Variants in MYH8 observed in about 807,000 individuals in gnomAD.
MYH8 encodes myosin-8.
A neutral mutation model predicts 233.2 loss-of-function variants in MYH8; 168 were observed. That is an observed-to-expected ratio of 0.72 (90% CI 0.64 to 0.82). MYH8 has a LOEUF of 0.82. Among genes scored for constraint, MYH8 ranks in the 40% least tolerant of loss-of-function variants. The probability of loss-of-function intolerance (pLI) is 0.00; values close to 1 mark genes in which losing one functional copy is unlikely to be tolerated. For synonymous variants in MYH8, 785 were observed against 850.6 expected, an observed-to-expected ratio of 0.92 and a Z score of 1.34; for missense variants, 1,995 against 2,327.8, an observed-to-expected ratio of 0.86 and a Z score of 2.94.
chr17:10,403,618 A>G (rs375665494), intron 22 of MYH8, among the ~76,000 whole-genome samples: 2 of 152,166 alleles, frequency 1.3e-5, no homozygotes, highest in African/African-American at 2.4e-5. Flanking sequence ...CCTTCATATA[A>G]ATGAAGGTAT....
Position 10,400,611 on chromosome 17 carries a change from C to T in MYH8, c.3514G>A (p.Ala1172Thr). Residue 1172 changes from alanine to threonine, a missense_variant, in exon 27 of 40, where the codon GCT (alanine) becomes ACT (threonine). Physicochemically the swap from Ala to Thr is moderately conservative, Grantham distance 58. Coordinates refer to ENST00000403437, the MANE Select transcript of MYH8 (RefSeq NM_002472.3). The surrounding 1 kb of genome is among the most constrained non-coding windows in gnomAD (Gnocchi z 4.0). Reference sequence around the variant, plus strand: ...TCCCTGCGCAGTTTCTGAAACTCAGCCTCCCGCTTCTTGTTCAATTCCACC... The same window carrying T: ...TCCCTGCGCAGTTTCTGAAACTCAGTCTCCCGCTTCTTGTTCAATTCCACC... ...AQVELNKKRE[A>T]EFQKLRRDLE... 1 of 1,614,226 alleles carries T rather than the reference C, an allele frequency of 6.2e-7. No homozygotes were observed. Among genetic ancestry groups the T allele is most frequent in the South Asian group, 1.1e-5 (1 of 91,088 alleles).
rs1342415960 is a variant in MYH8 at position 10,392,869 on chromosome 17, T to G, written c.5425A>C (p.Lys1809Gln). Residue 1809 changes from lysine (K) to glutamine (Q), a missense_variant, in exon 37 of 40, where the codon AAG becomes CAG. Physicochemically the swap from Lys to Gln is moderately conservative, Grantham distance 53. This residue lies in a region of MYH8 where 1,498 missense variants were observed against 1,680.9 expected (regional missense o/e 0.89). Coordinates refer to ENST00000403437, the MANE Select transcript of MYH8 (RefSeq NM_002472.3). ...TTCTGGATCTGCTTCTTCCCACCCTTCAGCGCCAGCTGCTCGGCCTCATCT... is the reference window on the plus strand; with the variant it reads ...TTCTGGATCTGCTTCTTCCCACCCTGCAGCGCCAGCTGCTCGGCCTCATCT... Reference protein sequence around the residue: ...RLDEAEQLALKGGKKQIQKLE... With the variant: ...RLDEAEQLALQGGKKQIQKLE... 6.2e-7 allele frequency: 1 copy of G among 1,614,026 alleles called. No homozygotes were observed. Among genetic ancestry groups the G allele is most frequent in the Non-Finnish European group, 8.5e-7 (1 of 1,180,034 alleles).
chr17:10,390,660 C>T, intron 39 of MYH8, 57 bp from the exon 40 acceptor site: 1 of 1,577,944 alleles, frequency 6.3e-7, no homozygotes, highest in South Asian at 1.1e-5. Flanking sequence ...TTGCACTTAT[C>T]ACCAGACAGG....
intron 39 of MYH8, among the ~76,000 whole-genome samples, chr17:10,390,995 C>T (rs1192165640): frequency 6.6e-6 from 1 of 152,206 alleles, no homozygotes; most frequent in African/African-American, 2.4e-5. Flanking sequence ...GACAGAAAGT[C>T]TCCTCTGTTA....
rs527809531 is a variant in MYH8 at position 10,419,807 on chromosome 17, A to G, written c.210+211T>C. Among the ~76,000 whole-genome samples, 4 of 152,298 alleles carry G rather than the reference A, an allele frequency of 2.6e-5. No individual in the cohort carries two copies. The highest frequency in any genetic ancestry group is 4.4e-5 in the Non-Finnish European group (3 of 68,028). On this transcript the variant is annotated intron_variant, in intron 3 of 39. Coordinates refer to ENST00000403437, the MANE Select transcript of MYH8 (RefSeq NM_002472.3). This position sits in a 1 kb window ranked among gnomAD's most constrained non-coding sequence, Gnocchi z 4.0. ...GAATTGAAGGGAAATGGTGAAGGCC[A>G]TACATAGTGGGGTGAGGTCCTGTGC...
rs1597396443 is a variant in MYH8, at chr17:10,392,803, C to T, written c.5463+28G>A. ...TAGAGAGAGTGCCCTTTTTCCCTTC[C>T]CAGATTTAGAGAGATTGAGACACCC... On this transcript the variant is annotated intron_variant, in intron 37 of 39. Coordinates refer to ENST00000403437, the MANE Select transcript of MYH8 (RefSeq NM_002472.3). The T allele has an allele frequency of 1.9e-6, 3 of 1,613,932 alleles. No homozygotes were observed. The African/African-American group carries it at 4.0e-5, about 22-fold the overall frequency.
intron 22 of MYH8, among the ~76,000 whole-genome samples, chr17:10,402,447 A>C (rs765759000): frequency 2.6e-5 from 4 of 152,168 alleles, no homozygotes; most frequent in Non-Finnish European, 4.4e-5. Context: ...CTTAAGGTGA[A>C]TTTTATTTTT....
chr17:10,412,793 A>G (rs187324192), intron 12 of MYH8, 65 bp from the exon 13 acceptor site: 7 of 1,334,180 alleles, frequency 5.2e-6, no homozygotes, highest in Admixed American at 5.0e-5. Context: ...TAATCTTTCC[A>G]TTTTTCTCCA....
intron 21 of MYH8, among the ~76,000 whole-genome samples, chr17:10,405,117 A>G (rs1009106701): frequency 6.6e-6 from 1 of 152,152 alleles, no homozygotes; most frequent in Non-Finnish European, 1.5e-5. Context: ...ACAACACTGA[A>G]TTATCCACTC....
At chr17:10,394,599 T>C in intron 34 of MYH8, 147 bp from the exon 35 acceptor site, 1 of 1,014,328 alleles carries the variant, frequency 9.9e-7, no homozygotes, top group Non-Finnish European at 1.5e-6. Flanking sequence ...TTAGGTCATT[T>C]GCTTAGGGTG....
intron 5 of MYH8, among the ~76,000 whole-genome samples, chr17:10,418,346 G>T (rs1327983469): frequency 1.3e-5 from 2 of 152,178 alleles, no homozygotes; most frequent in African/African-American, 4.8e-5. Context: ...ACAAAATATG[G>T]AAAACAATAA....
chr17:10,413,458 AT>A (rs2072262363), intron 12 of MYH8, among the ~76,000 whole-genome samples: 1 of 151,982 alleles, frequency 6.6e-6, no homozygotes, highest in Admixed American at 6.5e-5. Flanking sequence ...TTGTCTATGG[AT>A]TTATATACAG....
chr17:10,415,441 C>CA lies in MYH8; in HGVS notation c.648+30dup. The CA allele has an allele frequency of 1.2e-6, 2 of 1,613,516 alleles. No individual in the cohort carries two copies. The highest frequency in any genetic ancestry group is 1.7e-6 in the Non-Finnish European group (2 of 1,179,382). ...GACTCCAGATGTCTGAGAGCCTTGA[C>CA]AGAGGTTTTGACTCTGGCTATCAGA... On this transcript the variant is annotated intron_variant, in intron 7 of 39. Coordinates refer to ENST00000403437, the MANE Select transcript of MYH8 (RefSeq NM_002472.3). The surrounding 1 kb of genome is among the most constrained non-coding windows in gnomAD (Gnocchi z 4.1).
At position 10,398,437 on chromosome 17, in the gene MYH8, C is replaced by A; in HGVS notation, c.4178+7G>T. 6.2e-7 allele frequency: 1 copy of A among 1,613,980 alleles called. No homozygotes were observed. The highest frequency in any genetic ancestry group is 1.1e-5 in the South Asian group (1 of 91,078). Reference sequence around the variant, plus strand: ...GGAGTTCCTCTTCTAGAGTTCACAGCACATACTTGGCCTCCTCCAGCTCCT... The same window carrying A: ...GGAGTTCCTCTTCTAGAGTTCACAGAACATACTTGGCCTCCTCCAGCTCCT... On this transcript the variant is annotated splice_region_variant and intron_variant, in intron 30 of 39. Transcript: ENST00000403437.
chr17:10,405,662 G>A (rs2072186282), intron 21 of MYH8, among the ~76,000 whole-genome samples: 1 of 152,158 alleles, frequency 6.6e-6, no homozygotes, highest in Admixed American at 6.5e-5. Context: ...GGAGAGATGA[G>A]ATAAGAAGAT....
At chr17:10,411,224 A>G (rs1161583622) in intron 14 of MYH8, among the ~76,000 whole-genome samples, 2 of 151,888 alleles carry the variant, frequency 1.3e-5, no homozygotes, top group Non-Finnish European at 2.9e-5. Context: ...AAAATACAAA[A>G]AATTATCTGG....
At chr17:10,399,017 T>TATAC (rs1555555769) in intron 28 of MYH8, 131 bp from the exon 29 acceptor site, 10 of 283,196 alleles carry the variant, frequency 3.5e-5, no homozygotes, top group Middle Eastern at 1.2e-3. Context: ...TATATATATA[T>TATAC]ACAAGTTGTA....
chr17:10,415,731 C>T lies in MYH8; in HGVS notation c.512-23G>A. 6.2e-7 allele frequency: 1 copy of T among 1,609,356 alleles called. No individual in the cohort carries two copies. The highest frequency in any genetic ancestry group is 1.7e-5 in the Admixed American group (1 of 59,676). On this transcript the variant is annotated intron_variant, in intron 5 of 39. Coordinates refer to ENST00000403437, the MANE Select transcript of MYH8 (RefSeq NM_002472.3). The surrounding 1 kb of genome is among the most constrained non-coding windows in gnomAD (Gnocchi z 4.1). ...GATCTGTGAAAGAATTCAAAATCAT[C>T]CGTTAAAAAATGCATATTTAATATG...
rs1437236803 is a variant in MYH8 at position 10,392,925 on chromosome 17, T to C, written c.5369A>G (p.Glu1790Gly). The C allele has an allele frequency of 6.2e-7, 1 of 1,614,086 alleles. No homozygotes were observed. Among genetic ancestry groups the C allele is most frequent in the African/African-American group, 1.3e-5 (1 of 74,940 alleles). ...ATGCTGCAGGTCCTTCACCGTCTGC[T>C]CCAGGTTCTTCTTCATCCGCTCCAG... ...AHLERMKKNL[E>G]QTVKDLQHRL... The change falls in exon 37 of 40, where the codon GAG becomes GGG. Residue 1790 changes from glutamate to glycine, a missense_variant. Physicochemically the swap from Glu to Gly is moderately conservative, Grantham distance 98. Transcript: ENST00000403437.
Sources: allele counts gnomAD v4.1 joint callset (sites outside exome capture counted in the v4.1 genomes callset), GRCh38; gene constraint gnomAD v4.1.1; regional missense constraint gnomAD v4.1.1; non-coding constraint Gnocchi (gnomAD v3.1); transcripts MANE v1.5; gene names NCBI Gene and HGNC (gene_info 2026-07-23, HGNC 2026-07-21).